C2CD2: variants seen among roughly 807,000 people sequenced by gnomAD.
C2CD2 encodes C2 domain-containing protein 2.
C2CD2 carries 43 observed loss-of-function variants against 74.3 expected under a neutral mutation model. The ratio of observed to expected loss-of-function variants is 0.58; its 90% CI spans 0.45 to 0.75. C2CD2 has a LOEUF of 0.75. Among genes scored for constraint, C2CD2 ranks in the 30% least tolerant of loss-of-function variants. The pLI is 0.00. For missense variants in C2CD2, 801 were observed against 916.3 expected, an observed-to-expected ratio of 0.87 and a Z score of 1.63; for synonymous variants, 422 against 390.7, an observed-to-expected ratio of 1.08 and a Z score of -0.94.
chr21:41,893,732 C>T lies in C2CD2; in HGVS notation c.1871-4388G>A, dbSNP rs1228585602. Among the ~76,000 whole-genome samples, 6 of 138,120 alleles carry T rather than the reference C, an allele frequency of 4.3e-5. 1 individual carries two copies. The South Asian group carries it at 8.9e-4, about 20-fold the overall frequency. 90.6% of individuals were successfully genotyped at this position (138,120 alleles called of 152,430 possible). On this transcript the variant is annotated intron_variant, in intron 13 of 13. Coordinates refer to ENST00000380486, the MANE Select transcript of C2CD2 (RefSeq NM_015500.2). Reference sequence around the variant, plus strand: ...TTTTTTTTTTTTTGAGACGGAGTCTCGCTCTGTCGCCCAGGCTGGAGTGCA... The same window carrying T: ...TTTTTTTTTTTTTGAGACGGAGTCTTGCTCTGTCGCCCAGGCTGGAGTGCA...
rs774098364 is a variant in C2CD2, at chr21:41,922,084, A to C, written c.380T>G (p.Val127Gly). Reference protein sequence around the residue: ...SSVLRSAEEKVVVCHVVGQAI... With the variant: ...SSVLRSAEEKGVVCHVVGQAI... ...CTGGCCCACCACGTGACAGACCACCACCTGGAGGAGGCACAGGTAAGGGAG... is the reference window on the plus strand; with the variant it reads ...CTGGCCCACCACGTGACAGACCACCCCCTGGAGGAGGCACAGGTAAGGGAG... Residue 127 changes from valine (V) to glycine (G), a missense_variant and splice_region_variant, in exon 3 of 14, where the codon GTG (valine) becomes GGG (glycine). Physicochemically the swap from Val to Gly is moderately radical, Grantham distance 109. Coordinates refer to ENST00000380486, the MANE Select transcript of C2CD2 (RefSeq NM_015500.2). The C allele has an allele frequency of 2.1e-5, 33 of 1,600,096 alleles. No individual in the cohort carries two copies. The South Asian group carries it at 3.3e-4, about 16-fold the overall frequency.
chr21:41,902,349 C>A (rs2064909522), intron 11 of C2CD2, among the ~76,000 whole-genome samples: 1 of 152,204 alleles, frequency 6.6e-6, no homozygotes, highest in Non-Finnish European at 1.5e-5. Context: ...TTAATAACAA[C>A]ACACACCAGC....
At chr21:41,933,679 C>A (rs1414528438) in intron 2 of C2CD2, among the ~76,000 whole-genome samples, 1 of 152,264 alleles carries the variant, frequency 6.6e-6, no homozygotes, top group African/African-American at 2.4e-5. Flanking sequence ...GGAGCCCGGG[C>A]AGATCCCAAC....
chr21:41,907,332 C>A (rs1448771563), intron 9 of C2CD2, among the ~76,000 whole-genome samples, 166 bp from the exon 10 acceptor site: 1 of 152,210 alleles, frequency 6.6e-6, no homozygotes, highest in Non-Finnish European at 1.5e-5. Flanking sequence ...GACACAGACC[C>A]AACCTTACGC....
intron 2 of C2CD2, among the ~76,000 whole-genome samples, chr21:41,922,676 T>C (rs546054760): frequency 3.1e-4 from 47 of 152,120 alleles, no homozygotes; most frequent in Non-Finnish European, 5.9e-4. Flanking sequence ...AGTTTCACCA[T>C]GTTGGCCAGG....
chr21:41,915,336 C>T (rs765355083), intron 5 of C2CD2, among the ~76,000 whole-genome samples: 10 of 152,218 alleles, frequency 6.6e-5, no homozygotes, highest in Non-Finnish European at 1.3e-4. Flanking sequence ...CTCCAACAGA[C>T]ACCAGGGCGT....
intron 6 of C2CD2, among the ~76,000 whole-genome samples, chr21:41,914,292 G>GT (rs199939878): frequency 0.013 from 939 of 74,584 alleles, 10 homozygotes; most frequent in African/African-American, 0.033. Context: ...AGGTTCAACA[G>GT]TTAAAAAAAA....
chr21:41,912,051 C>T (rs2065031703), intron 7 of C2CD2: 1 of 307,324 alleles, frequency 3.3e-6, no homozygotes, highest in South Asian at 8.9e-5. Flanking sequence ...GAGGCTCCCT[C>T]CCTTTTCACC....
rs180795696 is a variant in C2CD2, at chr21:41,924,610, G to A, written c.379-2525C>T. ...TACGGAGGAACATGCTTTGTGGCCA[G>A]ATGAGTTACACGCACCAATGGCATG... On this transcript the variant is annotated intron_variant, in intron 2 of 13. Transcript: ENST00000380486. This position sits in a 1 kb window ranked among gnomAD's most constrained non-coding sequence, Gnocchi z 4.4. Among the ~76,000 whole-genome samples the A allele has an allele frequency of 6.6e-6, 1 of 152,302 alleles. No homozygotes were observed. Among genetic ancestry groups the A allele is most frequent in the Non-Finnish European group, 1.5e-5 (1 of 68,030 alleles).
intron 6 of C2CD2, among the ~76,000 whole-genome samples, chr21:41,913,362 C>T (rs752995815): frequency 1.2e-4 from 18 of 152,186 alleles, no homozygotes; most frequent in African/African-American, 3.1e-4. Flanking sequence ...CGCTGGACCA[C>T]GCAGCAGCAG....
rs375029802 is a variant in C2CD2 at position 41,915,353 on chromosome 21, C to G, written c.721-632G>C. Among the ~76,000 whole-genome samples, 369 of 152,328 alleles carry G rather than the reference C, an allele frequency of 2.4e-3. 1 individual carries two copies. Among genetic ancestry groups the G allele is most frequent in the African/African-American group, 8.5e-3 (354 of 41,578 alleles). On this transcript the variant is annotated intron_variant, in intron 5 of 13. Transcript: ENST00000380486. ...CCAACAGACACCAGGGCGTTTCCAA[C>G]AGAAAGCACCCCCAAATCTGGAAGA...
chr21:41,889,851 T>C (rs1030926970), intron 13 of C2CD2, among the ~76,000 whole-genome samples: 2 of 152,212 alleles, frequency 1.3e-5, no homozygotes, highest in East Asian at 3.9e-4. Context: ...GTCAGGCTGG[T>C]CTCGAACTCC....
chr21:41,896,827 G>A (rs372783951), intron 13 of C2CD2, among the ~76,000 whole-genome samples: 1 of 151,682 alleles, frequency 6.6e-6, no homozygotes, highest in Non-Finnish European at 1.5e-5. Context: ...ACACAGAATC[G>A]TCTCAGATTG....
At chr21:41,901,473 T>C (rs1311818830) in intron 12 of C2CD2, 149 bp downstream of exon 12, 3 of 809,166 alleles carry the variant, frequency 3.7e-6, no homozygotes, top group Non-Finnish European at 4.3e-6. Context: ...CATGACTCCT[T>C]TGTGGGGTGA....
chr21:41,928,240 G>A (rs552436727), intron 2 of C2CD2, among the ~76,000 whole-genome samples: 10 of 152,262 alleles, frequency 6.6e-5, no homozygotes, highest in African/African-American at 1.7e-4. Flanking sequence ...ACCAACCGAC[G>A]AAACCTCGGG....
intron 1 of C2CD2, among the ~76,000 whole-genome samples, chr21:41,951,296 G>A (rs1355362450): frequency 6.6e-6 from 1 of 152,224 alleles, no homozygotes; most frequent in Non-Finnish European, 1.5e-5. Flanking sequence ...CTATCTGCCT[G>A]CAAAACCTTC....
intron 13 of C2CD2, among the ~76,000 whole-genome samples, chr21:41,893,702 T>C (rs1049474248): frequency 1.0e-4 from 11 of 108,962 alleles, no homozygotes; most frequent in South Asian, 6.4e-4. Context: ...AAATTTCTTT[T>C]TTTTTTTTTT....
chr21:41,927,136 C>T (rs2065220412), intron 2 of C2CD2, among the ~76,000 whole-genome samples: 2 of 152,194 alleles, frequency 1.3e-5, no homozygotes, highest in African/African-American at 2.4e-5. Flanking sequence ...TGTTTGCCCA[C>T]TAATTCAAAA....
At chr21:41,905,578 A>G in intron 11 of C2CD2, 146 bp downstream of exon 11, 1 of 559,594 alleles carries the variant, frequency 1.8e-6, no homozygotes, top group Non-Finnish European at 3.2e-6. Flanking sequence ...TCAGCCTCCC[A>G]AAGTGCTGAG....
Sources: allele counts gnomAD v4.1 joint callset (sites outside exome capture counted in the v4.1 genomes callset), GRCh38; gene constraint gnomAD v4.1.1; non-coding constraint Gnocchi (gnomAD v3.1); transcripts MANE v1.5; gene names NCBI Gene and HGNC (gene_info 2026-07-23, HGNC 2026-07-21).